STK24: variants seen among roughly 807,000 people sequenced by gnomAD.
The protein encoded by STK24 is serine/threonine-protein kinase 24.
STK24 carries 21 observed loss-of-function variants against 55.6 expected under a neutral mutation model. The observed-to-expected ratio is 0.38, with a 90% CI of 0.27 to 0.54. STK24 has a LOEUF of 0.54. Among genes scored for constraint, STK24 ranks in the 20% least tolerant of loss-of-function variants. The pLI is 0.79. For missense variants in STK24, 383 were observed against 538.4 expected (o/e 0.71, Z 2.86); for synonymous variants, 200 against 215.2 (o/e 0.93, Z 0.62).
chr13:98,469,439 C>T (rs916375082), intron 5 of STK24, among the ~76,000 whole-genome samples: 5 of 151,944 alleles, frequency 3.3e-5, no homozygotes, highest in African/African-American at 9.7e-5. Flanking sequence ...GTTCCAGCTA[C>T]TTGGGAGGCT....
intron 1 of STK24, among the ~76,000 whole-genome samples, chr13:98,528,780 T>C (rs1896502080): frequency 6.6e-6 from 1 of 152,176 alleles, no homozygotes; most frequent in South Asian, 2.1e-4. Flanking sequence ...ACTACTCTGG[T>C]TGAAACCAAG....
chr13:98,522,623 G>A lies in STK24; in HGVS notation c.43-3150C>T, dbSNP rs1243717415. Among the ~76,000 whole-genome samples, 6 of 152,256 alleles carry A rather than the reference G, an allele frequency of 3.9e-5. No individual in the cohort carries two copies. The South Asian group carries it at 1.0e-3, about 26-fold the overall frequency. ...ATCTCTAGCTCAACATGTGTGCACG[G>A]AATTTGCCACTTCCCCTGCTGGACT... is the stretch of plus-strand genomic sequence containing the variant. On this transcript the variant is annotated intron_variant, in intron 1 of 10. Transcript: ENST00000539966.
At chr13:98,565,810 G>C (rs1399979877) in intron 1 of STK24, among the ~76,000 whole-genome samples, 3 of 152,114 alleles carry the variant, frequency 2.0e-5, no homozygotes, top group African/African-American at 7.2e-5. Flanking sequence ...TGGAGATAAA[G>C]GAACAAGGAA....
chr13:98,547,590 G>A (rs1301852594), intron 1 of STK24, among the ~76,000 whole-genome samples: 1 of 152,188 alleles, frequency 6.6e-6, no homozygotes, highest in African/African-American at 2.4e-5. Context: ...AAAGTCAATA[G>A]GTTGTTTGCA....
intron 1 of STK24, among the ~76,000 whole-genome samples, chr13:98,544,921 A>T (rs553977635): frequency 1.9e-4 from 29 of 152,336 alleles, no homozygotes; most frequent in African/African-American, 6.3e-4. Flanking sequence ...ACAAAAAAGC[A>T]TATCATCTGA....
intron 1 of STK24, among the ~76,000 whole-genome samples, chr13:98,533,912 A>G (rs1037308346): frequency 1.3e-5 from 2 of 152,206 alleles, no homozygotes; most frequent in African/African-American, 4.8e-5. Context: ...TGGACACAGC[A>G]TAGTGTGTGC....
chr13:98,446,102 A>T lies in STK24; in HGVS notation c.*7071T>A, dbSNP rs1313053849. On this transcript the variant is annotated 3_prime_UTR_variant, in exon 11 of 11. Transcript: ENST00000539966. ...ACAGGCCTCCTTGCCTTTCAGAATC[A>T]GTTGTCTGGAAACCTGCTGAGGAAA... The T allele has an allele frequency of 6.2e-7, 1 of 1,612,124 alleles. No individual in the cohort carries two copies. Among genetic ancestry groups the T allele is most frequent in the Non-Finnish European group, 8.5e-7 (1 of 1,178,226 alleles).
In STK24 at chr13:98,446,732, A is replaced by G. The variant is rs138316496; in HGVS notation, c.*6441T>C. 1.2e-6 allele frequency: 2 copies of G among 1,614,176 alleles called. No individual in the cohort carries two copies. Among genetic ancestry groups the G allele is most frequent in the Non-Finnish European group, 1.7e-6 (2 of 1,180,026 alleles). On this transcript the variant is annotated 3_prime_UTR_variant, in exon 11 of 11. Transcript: ENST00000539966. ...GCTCACCATCCCCTCTGAGTCCGAG[A>G]ACATCCAGAAAGACTACGTGTTCAA...
At chr13:98,486,204 TAAA>T (rs5806065) in intron 2 of STK24, among the ~76,000 whole-genome samples, 31 of 146,150 alleles carry the variant, frequency 2.1e-4, no homozygotes, top group East Asian at 4.0e-4. Context: ...TTAAAAGTAT[TAAA>T]AAAAAAAAAA....
At chr13:98,572,022 C>T (rs1445640662) in intron 1 of STK24, among the ~76,000 whole-genome samples, 1 of 152,212 alleles carries the variant, frequency 6.6e-6, no homozygotes, top group East Asian at 1.9e-4. Context: ...CCCCCAGGCC[C>T]ACAGGCACCC....
chr13:98,543,792 G>C (rs183925033), intron 1 of STK24, among the ~76,000 whole-genome samples: 129 of 152,298 alleles, frequency 8.5e-4, no homozygotes, highest in African/African-American at 3.0e-3. Flanking sequence ...GTCATCAATG[G>C]CTTCTATTGA....
intron 2 of STK24, among the ~76,000 whole-genome samples, chr13:98,503,221 C>T (rs1895556530): frequency 6.6e-6 from 1 of 151,954 alleles, no homozygotes; most frequent in South Asian, 2.1e-4. Flanking sequence ...ATTCAGTAGA[C>T]TGTTACCCAA....
chr13:98,491,739 G>T (rs1187810586), intron 2 of STK24, among the ~76,000 whole-genome samples: 1 of 148,300 alleles, frequency 6.7e-6, no homozygotes, highest in African/African-American at 2.5e-5. Flanking sequence ...GTCTAAGAAG[G>T]AAAGCAAAGA....
intron 3 of STK24, among the ~76,000 whole-genome samples, chr13:98,480,873 A>T (rs1268440869): frequency 6.6e-6 from 1 of 152,232 alleles, no homozygotes; most frequent in Non-Finnish European, 1.5e-5. Flanking sequence ...TGTAAGCGTG[A>T]ACCACTGTAC....
chr13:98,546,879 C>T (rs1248960701), intron 1 of STK24, among the ~76,000 whole-genome samples: 2 of 147,552 alleles, frequency 1.4e-5, no homozygotes, highest in Non-Finnish European at 1.5e-5. Flanking sequence ...TGTGTTCCCC[C>T]TTCCTTCCAT....
Position 98,466,967 on chromosome 13 carries a change from A to G in STK24, c.598-406T>C, listed in dbSNP as rs571801520. Among the ~76,000 whole-genome samples, 4 of 152,304 alleles carry G rather than the reference A, an allele frequency of 2.6e-5. No individual in the cohort carries two copies. In the East Asian group the frequency reaches 7.7e-4, roughly 29 times the overall value. Reference sequence around the variant, plus strand: ...CACAGCTCTGAGGTCGAGAGTGGGCACCTTGGTCTCAAGATACCTGGGTTG... The same window carrying G: ...CACAGCTCTGAGGTCGAGAGTGGGCGCCTTGGTCTCAAGATACCTGGGTTG... On this transcript the variant is annotated intron_variant, in intron 5 of 10. Coordinates refer to ENST00000539966, the MANE Select transcript of STK24 (RefSeq NM_001032296.4).
intron 2 of STK24, among the ~76,000 whole-genome samples, chr13:98,484,414 C>G (rs888575214): frequency 1.3e-5 from 2 of 152,178 alleles, no homozygotes; most frequent in Non-Finnish European, 2.9e-5. Flanking sequence ...ATTAAGTCTG[C>G]TCACAGCAAG....
chr13:98,519,527 C>T, intron 1 of STK24, 54 bp from the exon 2 acceptor site: 1 of 1,363,244 alleles, frequency 7.3e-7, no homozygotes, highest in Non-Finnish European at 1.0e-6. Flanking sequence ...AGCACCACAA[C>T]TCCTTTGTCA....
At position 98,505,139 on chromosome 13, in the gene STK24, G is replaced by A. The variant is rs570701708; in HGVS notation, c.273+14104C>T. 3 of 152,294 alleles carry A rather than the reference G, an allele frequency of 2.0e-5. No individual in the cohort carries two copies. In the East Asian group the frequency reaches 5.8e-4, roughly 29 times the overall value. The allele number at this position is 152,294 out of a possible 1,614,324, so 9.4% of individuals were successfully genotyped here. A position where few individuals can be genotyped will look rare whatever the true frequency, so the allele number is the denominator to read the frequency against. On this transcript the variant is annotated intron_variant, in intron 2 of 10. Transcript: ENST00000539966. The stretch of plus-strand genomic sequence containing the variant: ...GGGACAAGTCTGTCAGCCTCTGAAC[G>A]GGATCTCAACTTTCAAAAGGAAAAG...
Sources: allele counts gnomAD v4.1 joint callset (sites outside exome capture counted in the v4.1 genomes callset), GRCh38; gene constraint gnomAD v4.1.1; transcripts MANE v1.5; gene names NCBI Gene and HGNC (gene_info 2026-07-23, HGNC 2026-07-21).